MLF1: variants seen among roughly 807,000 people sequenced by gnomAD.
MLF1 encodes myelodysplasia-myeloid leukemia factor 1.
MLF1 carries 37 observed loss-of-function variants against 38.3 expected under a neutral mutation model. That is an observed-to-expected ratio of 0.96 (90% CI 0.74 to 1.27). The LOEUF is 1.27. MLF1 is among the 50% of genes most tolerant of loss of function. The pLI, the probability that MLF1 is intolerant of heterozygous loss-of-function variation, is 0.00. For synonymous variants in MLF1, 95 were observed against 106.5 expected, an observed-to-expected ratio of 0.89 and a Z score of 0.66; for missense variants, 331 against 349.2, an observed-to-expected ratio of 0.95 and a Z score of 0.42.
chr3:158,594,129 G>A (rs1168102518), intron 3 of MLF1, among the ~76,000 whole-genome samples: 2 of 152,058 alleles, frequency 1.3e-5, no homozygotes, highest in Non-Finnish European at 2.9e-5. Flanking sequence ...CCTGACCAGA[G>A]TATTTAGTAA....
chr3:158,591,325 A>G (rs1395140840), intron 1 of MLF1, among the ~76,000 whole-genome samples: 1 of 151,778 alleles, frequency 6.6e-6, no homozygotes, highest in African/African-American at 2.4e-5. Context: ...ACACCCGGCT[A>G]ATTTTTGTAT....
intron 1 of MLF1, chr3:158,590,726 G>A (rs1717990550): frequency 2.2e-6 from 1 of 451,160 alleles, no homozygotes; most frequent in Non-Finnish European, 4.4e-6. Flanking sequence ...ACTAGGGCTA[G>A]GAGCAGGTAA....
intron 7 of MLF1, among the ~76,000 whole-genome samples, chr3:158,603,238 T>A (rs1444261423): frequency 6.6e-6 from 1 of 152,208 alleles, no homozygotes; most frequent in Non-Finnish European, 1.5e-5. Flanking sequence ...GTAGTTATTC[T>A]TGTAAAACAC....
At chr3:158,582,818 G>A in intron 1 of MLF1, 1 of 666,196 alleles carries the variant, frequency 1.5e-6, no homozygotes, top group South Asian at 1.7e-5. Context: ...GTTGACAGTA[G>A]ACCTGCCTTG....
chr3:158,590,760 C>A, intron 1 of MLF1: 1 of 456,020 alleles, frequency 2.2e-6, no homozygotes, highest in Non-Finnish European at 4.4e-6. Context: ...GACGAGGAAG[C>A]TTTTTGGAAT....
Position 158,598,108 on chromosome 3 carries a change from A to T in MLF1, c.353A>T (p.His118Leu). The change falls in exon 5 of 8, where the codon CAT becomes CTT. Residue 118 changes from histidine to leucine, a missense_variant. By Grantham distance (99) the His-to-Leu change is moderately conservative. Transcript: ENST00000466246. ...CAACTTTCAGTGGATCCAAATGGAC[A>T]TTCATTTTGTTCTTCCTCAGTTATG... is the stretch of plus-strand genomic sequence containing the variant. ...FGQLSVDPNG[H>L]SFCSSSVMTY... 1.9e-6 allele frequency: 3 copies of T among 1,613,414 alleles called. No homozygotes were observed. Among genetic ancestry groups the T allele is most frequent in the Non-Finnish European group, 1.7e-6 (2 of 1,179,748 alleles).
chr3:158,603,053 A>G, intron 7 of MLF1, 114 bp downstream of exon 7: 6 of 841,988 alleles, frequency 7.1e-6, no homozygotes, highest in East Asian at 2.7e-5. Context: ...TATCCACAGT[A>G]TCTTTTGTGA....
intron 4 of MLF1, among the ~76,000 whole-genome samples, chr3:158,597,218 C>G (rs778840162): frequency 2.6e-5 from 4 of 151,876 alleles, no homozygotes; most frequent in Non-Finnish European, 5.9e-5. Context: ...AGTTCATAAC[C>G]TCCAAGTTTG....
intron 1 of MLF1, among the ~76,000 whole-genome samples, chr3:158,575,326 A>G (rs973331694): frequency 2.0e-5 from 3 of 152,210 alleles, no homozygotes; most frequent in Non-Finnish European, 4.4e-5. Flanking sequence ...CTGCTTACAG[A>G]CTACCATCTT....
intron 1 of MLF1, among the ~76,000 whole-genome samples, chr3:158,586,238 C>T (rs1266685169): frequency 1.3e-5 from 2 of 149,934 alleles, no homozygotes; most frequent in African/African-American, 2.5e-5. Context: ...TACACTTGGA[C>T]CCATGAAAGT....
chr3:158,580,546 T>C (rs1716177664), intron 1 of MLF1, among the ~76,000 whole-genome samples: 2 of 152,174 alleles, frequency 1.3e-5, no homozygotes, highest in Non-Finnish European at 1.5e-5. Flanking sequence ...GCTTGTTGCA[T>C]ATAATTTTGC....
intron 7 of MLF1, among the ~76,000 whole-genome samples, chr3:158,603,623 C>T (rs888289521): frequency 7.9e-5 from 12 of 151,900 alleles, no homozygotes; most frequent in African/African-American, 2.7e-4. Context: ...GGATCAGTTG[C>T]GGTCAGGAGT....
At chr3:158,578,211 A>G (rs916649874) in intron 1 of MLF1, among the ~76,000 whole-genome samples, 1 of 152,094 alleles carries the variant, frequency 6.6e-6, no homozygotes, top group African/African-American at 2.4e-5. Flanking sequence ...TCTGCTGGCT[A>G]AGCTTTTGCC....
chr3:158,601,316 T>C (rs558974641), intron 6 of MLF1, among the ~76,000 whole-genome samples: 1 of 152,204 alleles, frequency 6.6e-6, no homozygotes, highest in East Asian at 1.9e-4. Context: ...ACGCCTGTAA[T>C]CCTGGCACTT....
chr3:158,592,589 CTTTTTTTTAAGACAGTT>C lies in MLF1; in HGVS notation c.195+9_195+25del. The C allele has an allele frequency of 6.4e-7, 1 of 1,571,346 alleles. No homozygotes were observed. Among genetic ancestry groups the C allele is most frequent in the Non-Finnish European group, 8.6e-7 (1 of 1,161,218 alleles). On this transcript the variant is annotated intron_variant, in intron 2 of 7. Coordinates refer to ENST00000466246, the MANE Select transcript of MLF1 (RefSeq NM_001369783.1). ...GGTGAAGATTCTTTGACTGTAAGTT[CTTTTTTTTAAGACAGTT>C]AGTGAGAAGGCCCTGTAGGAATTTG...
At chr3:158,577,707 A>G (rs1389212445) in intron 1 of MLF1, among the ~76,000 whole-genome samples, 1 of 152,182 alleles carries the variant, frequency 6.6e-6, no homozygotes, top group East Asian at 1.9e-4. Context: ...TTCATGAGGT[A>G]AACACCACTG....
intron 1 of MLF1, among the ~76,000 whole-genome samples, chr3:158,585,306 C>T (rs1439621906): frequency 6.6e-6 from 1 of 152,198 alleles, no homozygotes; most frequent in East Asian, 1.9e-4. Context: ...CCTCCCCACC[C>T]CTCTCTTGCT....
intron 2 of MLF1, 51 bp from the exon 3 acceptor site, chr3:158,593,331 C>T: frequency 7.3e-7 from 1 of 1,364,406 alleles, no homozygotes; most frequent in South Asian, 1.4e-5. Context: ...AATTGAGAAA[C>T]TTCTATATAA....
intron 1 of MLF1, chr3:158,591,010 C>G (rs916299896): frequency 9.3e-6 from 4 of 430,138 alleles, no homozygotes; most frequent in African/African-American, 4.2e-5. Flanking sequence ...GTGAATAAAT[C>G]TGAGCTCTTT....
Sources: allele counts gnomAD v4.1 joint callset (sites outside exome capture counted in the v4.1 genomes callset), GRCh38; gene constraint gnomAD v4.1.1; transcripts MANE v1.5; gene names NCBI Gene and HGNC (gene_info 2026-07-23, HGNC 2026-07-21).